CBLN2: variants seen among roughly 807,000 people sequenced by gnomAD.
The protein encoded by CBLN2 is cerebellin 2 precursor, also known as cerebellin-2.
In CBLN2, 7 loss-of-function variants were observed where a neutral mutation model predicts 15.0. The ratio of observed to expected loss-of-function variants is 0.47; its 90% CI spans 0.27 to 0.88. The LOEUF (loss-of-function observed/expected upper bound fraction) is 0.88. CBLN2 is among the 40% of genes least tolerant of loss of function. The probability of loss-of-function intolerance (pLI) is 0.14; values close to 1 mark genes in which losing one functional copy is unlikely to be tolerated. For synonymous variants in CBLN2, 149 were observed against 135.2 expected, an observed-to-expected ratio of 1.10 and a Z score of -0.71; for missense variants, 242 against 304.5, an observed-to-expected ratio of 0.79 and a Z score of 1.53.
chr18:72,545,483 C>A (rs1024827226), upstream of CBLN2, among the ~76,000 whole-genome samples: 2 of 152,216 alleles, frequency 1.3e-5, no homozygotes, highest in Non-Finnish European at 2.9e-5. Context: ...GAGATAGGTA[C>A]TGGCATTTGC....
intron 1 of CBLN2, among the ~76,000 whole-genome samples, chr18:72,637,803 G>A (rs1036141022): frequency 2.0e-5 from 3 of 152,208 alleles, no homozygotes; most frequent in Non-Finnish European, 4.4e-5. Flanking sequence ...GCAGTAAGCA[G>A]AAACCAAAGC....
At chr18:72,622,096 A>T (rs1223014253) in intron 1 of CBLN2, among the ~76,000 whole-genome samples, 1 of 152,178 alleles carries the variant, frequency 6.6e-6, no homozygotes, top group African/African-American at 2.4e-5. Flanking sequence ...AGAACAATGC[A>T]GTAGATTTTG....
intron 1 of CBLN2, among the ~76,000 whole-genome samples, chr18:72,619,752 A>G (rs1488437785): frequency 6.6e-6 from 1 of 152,184 alleles, no homozygotes; most frequent in African/African-American, 2.4e-5. Flanking sequence ...CTTTTAAAAT[A>G]TGTTTGTTGT....
At chr18:72,630,615 G>C (rs2069769845) in intron 1 of CBLN2, among the ~76,000 whole-genome samples, 1 of 131,398 alleles carries the variant, frequency 7.6e-6, no homozygotes, top group Admixed American at 8.1e-5. Context: ...CAAGAAAATT[G>C]AGATCCAAGC....
chr18:72,632,179 G>T (rs1181394087), intron 1 of CBLN2, among the ~76,000 whole-genome samples: 1 of 152,002 alleles, frequency 6.6e-6, no homozygotes, highest in East Asian at 1.9e-4. Flanking sequence ...TATACGTAAG[G>T]TGTGTGTAAT....
At position 72,625,818 on chromosome 18, in the gene CBLN2, C is replaced by CTCTATATA. The variant is rs1469005975; in HGVS notation, c.15+12506_15+12507insTATATAGA. On this transcript the variant is annotated intron_variant, in intron 1 of 2. Coordinates refer to the CBLN2 transcript ENST00000581073. The stretch of plus-strand genomic sequence containing the variant: ...TCTCTCTCTCTCTCTCTCTCTCTCT[C>CTCTATATA]TATATATATATATATATATATATAT... 1.0e-4 allele frequency among the ~76,000 whole-genome samples: 6 copies of CTCTATATA among 57,390 alleles called. No individual in the cohort carries two copies. In the East Asian group the frequency reaches 2.2e-3, roughly 22 times the overall value. 37.7% of individuals were successfully genotyped at this position (57,390 alleles called of 152,430 possible).
At chr18:72,630,520 A>ACACACACACACC (rs1555673832) in intron 1 of CBLN2, among the ~76,000 whole-genome samples, 5 of 134,126 alleles carry the variant, frequency 3.7e-5, no homozygotes, top group African/African-American at 1.5e-4. Flanking sequence ...ACACACACAC[A>ACACACACACACC]CCCTGCACAA....
intron 1 of CBLN2, among the ~76,000 whole-genome samples, chr18:72,604,648 G>A (rs985614116): frequency 2.6e-5 from 4 of 152,166 alleles, no homozygotes; most frequent in African/African-American, 9.7e-5. Flanking sequence ...TAATCCATTT[G>A]TTGATTAGTG....
intron 1 of CBLN2, among the ~76,000 whole-genome samples, chr18:72,594,695 C>T (rs1452188535): frequency 6.6e-6 from 1 of 151,840 alleles, no homozygotes; most frequent in Non-Finnish European, 1.5e-5. Flanking sequence ...TTTACTATGG[C>T]TTTGATCACA....
chr18:72,569,525 A>C (rs946658228), intron 1 of CBLN2, among the ~76,000 whole-genome samples: 1 of 152,202 alleles, frequency 6.6e-6, no homozygotes, highest in African/African-American at 2.4e-5. Flanking sequence ...TAATTTATGA[A>C]GGAAAGAGGT....
At chr18:72,565,909 T>G (rs1199719745) in intron 1 of CBLN2, among the ~76,000 whole-genome samples, 1 of 152,184 alleles carries the variant, frequency 6.6e-6, no homozygotes, top group African/African-American at 2.4e-5. Flanking sequence ...ATTTACAAAC[T>G]ATACATCTTA....
chr18:72,608,304 A>G (rs1282932082), intron 1 of CBLN2, among the ~76,000 whole-genome samples: 3 of 152,108 alleles, frequency 2.0e-5, no homozygotes, highest in African/African-American at 7.2e-5. Flanking sequence ...AGGGAGAATA[A>G]AAGAGTCAGA....
At chr18:72,553,699 T>C (rs1377089527) in intron 1 of CBLN2, among the ~76,000 whole-genome samples, 2 of 152,170 alleles carry the variant, frequency 1.3e-5, no homozygotes, top group African/African-American at 4.8e-5. Flanking sequence ...AATCTAACCG[T>C]AGGAAATTTC....
At position 72,543,222 on chromosome 18, in the gene CBLN2, G is replaced by A; in HGVS notation, c.-167+264C>T. The A allele has an allele frequency of 3.0e-6, 1 of 333,292 alleles. No individual in the cohort carries two copies. The highest frequency in any genetic ancestry group is 5.4e-6 in the Non-Finnish European group (1 of 185,144). The allele number at this position is 333,292 out of a possible 1,614,324, so 20.6% of individuals were successfully genotyped here. A position where few individuals can be genotyped will look rare whatever the true frequency, so the allele number is the denominator to read the frequency against. On this transcript the variant is annotated intron_variant, in intron 2 of 4. Transcript: ENST00000269503. This position sits in a 1 kb window ranked among gnomAD's most constrained non-coding sequence, Gnocchi z 6.8. ...CCGCTCCTCCCAGGAAAGCAGACAGGCCATTTCAATACCAGCCCAGAGACA... is the reference window on the plus strand; with the variant it reads ...CCGCTCCTCCCAGGAAAGCAGACAGACCATTTCAATACCAGCCCAGAGACA...
rs12607809 is a variant in CBLN2, at chr18:72,627,440, G to A, written c.15+10885C>T. The stretch of plus-strand genomic sequence containing the variant: ...AATTTATGTAAGAAGATGTTGCTGC[G>A]TGGCAGGCCCTAATAGGACTATGCG... On this transcript the variant is annotated intron_variant, in intron 1 of 2. Coordinates refer to the CBLN2 transcript ENST00000581073. Among the ~76,000 whole-genome samples, 4,392 of 152,246 alleles carry A rather than the reference G, an allele frequency of 0.029. 565 individuals are homozygous for A. In the East Asian group the frequency reaches 0.44, roughly 15 times the overall value.
At chr18:72,552,379 C>T (rs144612846) in intron 1 of CBLN2, among the ~76,000 whole-genome samples, 16 of 151,930 alleles carry the variant, frequency 1.1e-4, no homozygotes, top group African/African-American at 2.2e-4. Flanking sequence ...CCACTGAGCC[C>T]GGCCAAAATA....
intron 1 of CBLN2, among the ~76,000 whole-genome samples, chr18:72,628,057 T>C (rs1396747341): frequency 1.3e-5 from 2 of 152,224 alleles, no homozygotes; most frequent in African/African-American, 4.8e-5. Flanking sequence ...AGTCTCTGAA[T>C]TCTTGATGAC....
chr18:72,545,026 G>C (rs532702351), upstream of CBLN2, among the ~76,000 whole-genome samples: 272 of 151,502 alleles, frequency 1.8e-3, no homozygotes, highest in African/African-American at 6.4e-3. Context: ...CTGTTCATTA[G>C]AGCATCTGTA....
At chr18:72,586,375 A>G (rs1046101410) in intron 1 of CBLN2, among the ~76,000 whole-genome samples, 1 of 152,208 alleles carries the variant, frequency 6.6e-6, no homozygotes, top group Non-Finnish European at 1.5e-5. Context: ...TATACACTAA[A>G]GGTGGGGGAA....
Sources: allele counts gnomAD v4.1 joint callset (sites outside exome capture counted in the v4.1 genomes callset), GRCh38; gene constraint gnomAD v4.1.1; non-coding constraint Gnocchi (gnomAD v3.1); transcripts MANE v1.5; gene names NCBI Gene and HGNC (gene_info 2026-07-23, HGNC 2026-07-21).